HIVEP1: variants seen among roughly 807,000 people sequenced by gnomAD.
The protein encoded by HIVEP1 is HIVEP zinc finger 1.
A neutral mutation model predicts 180.0 loss-of-function variants in HIVEP1; 36 were observed. That is an observed-to-expected ratio of 0.20 (90% CI 0.15 to 0.26). The LOEUF is 0.26. Ranked by LOEUF, HIVEP1 falls within the 10% of genes least tolerant of loss-of-function variation. HIVEP1 has a pLI of 1.00. For missense variants in HIVEP1, 3,143 were observed against 3,268.7 expected (o/e 0.96, Z 0.94); for synonymous variants, 1,239 against 1,239.0 (o/e 1.00, Z 0.00).
intron 2 of HIVEP1, among the ~76,000 whole-genome samples, chr6:12,059,261 C>T (rs565708244): frequency 1.3e-5 from 2 of 152,302 alleles, no homozygotes; most frequent in African/African-American, 2.4e-5. Context: ...TGGTCTCCAA[C>T]TCCTGACCTC....
the HIVEP1 span, among the ~76,000 whole-genome samples, chr6:12,191,582 G>A: frequency 6.6e-6 from 1 of 151,940 alleles, no homozygotes; most frequent in Non-Finnish European, 1.5e-5. Context: ...AGCAGAGTGA[G>A]ACTCTGTCTA....
chr6:12,043,438 T>G (rs1435937286), intron 2 of HIVEP1, among the ~76,000 whole-genome samples: 1 of 149,336 alleles, frequency 6.7e-6, no homozygotes, highest in Non-Finnish European at 1.5e-5. Flanking sequence ...CTCAGTTCAC[T>G]GCAACCTCCA....
Position 12,125,424 on chromosome 6 carries a change from C to G in HIVEP1, c.5629C>G (p.Pro1877Ala), listed in dbSNP as rs751378177. 1.2e-6 allele frequency: 2 copies of G among 1,613,982 alleles called. No individual in the cohort carries two copies. The highest frequency in any genetic ancestry group is 3.3e-5 in the Admixed American group (2 of 60,012). Reference sequence around the variant, plus strand: ...TCTTACAGTTCGAAGTTCACCTGCTCCTTCAGAAAATACTCATATTTCTCC... The same window carrying G: ...TCTTACAGTTCGAAGTTCACCTGCTGCTTCAGAAAATACTCATATTTCTCC... The part of the protein sequence containing the change: ...LTLTVRSSPA[P>A]SENTHISPLK... Residue 1877 changes from proline (P) to alanine (A), a missense_variant, in exon 4 of 9, where the codon CCT becomes GCT. Physicochemically the swap from Pro to Ala is conservative, Grantham distance 27. Around this residue, in one of 12 missense-constraint regions of HIVEP1, gnomAD observed 1,357 missense variants for 1,260.5 expected, o/e 1.08. Transcript: ENST00000379388.
chr6:12,116,577 T>G (rs955603930), intron 3 of HIVEP1, among the ~76,000 whole-genome samples: 5 of 152,084 alleles, frequency 3.3e-5, no homozygotes, highest in African/African-American at 1.2e-4. Context: ...TTTAGACTGA[T>G]CCAAGGTCCA....
Position 12,163,727 on chromosome 6 carries a change from C to T in HIVEP1, c.7423C>T (p.Pro2475Ser), listed in dbSNP as rs748683006. Residue 2475 changes from proline (P) to serine (S), a missense_variant, in exon 9 of 9, where the codon CCA becomes TCA. Around this residue, in one of 12 missense-constraint regions of HIVEP1, gnomAD observed 595 missense variants for 602.2 expected, o/e 0.99. Coordinates refer to ENST00000379388, the MANE Select transcript of HIVEP1 (RefSeq NM_002114.4). ...TATTCCTATCGGCCAAATCCGCGTG[C>T]CAGGCCTTCAGAACCTAAGTACCCC... Reference protein sequence around the residue: ...PCIPIGQIRVPGLQNLSTPGL... With the variant: ...PCIPIGQIRVSGLQNLSTPGL... The T allele has an allele frequency of 6.2e-7, 1 of 1,614,130 alleles. No homozygotes were observed. The highest frequency in any genetic ancestry group is 1.1e-5 in the South Asian group (1 of 91,078).
chr6:12,088,875 A>G (rs545297924), intron 2 of HIVEP1, among the ~76,000 whole-genome samples: 1 of 152,262 alleles, frequency 6.6e-6, no homozygotes, highest in South Asian at 2.1e-4. Context: ...TAAAGATAGT[A>G]TTATTTTTAG....
chr6:12,149,010 C>T (rs1759533681), intron 7 of HIVEP1, among the ~76,000 whole-genome samples: 1 of 152,150 alleles, frequency 6.6e-6, no homozygotes, highest in Admixed American at 6.5e-5. Context: ...TTTCAGGAAC[C>T]AGTACTATGA....
At chr6:12,207,764 A>AATAATAATAATAATAATAATAATT in the HIVEP1 span, among the ~76,000 whole-genome samples, 7 of 149,606 alleles carry the variant, frequency 4.7e-5, no homozygotes, top group Non-Finnish European at 1.0e-4. Context: ...TAATAATAAT[A>AATAATAATAATAATAATAATAATT]ATTAGCCAGG....
downstream of HIVEP1, among the ~76,000 whole-genome samples, chr6:12,167,023 T>C (rs1195949896): frequency 6.6e-6 from 1 of 151,836 alleles, no homozygotes; most frequent in Non-Finnish European, 1.5e-5. Context: ...AATAACTTAT[T>C]TTCATTCCCT....
intron 7 of HIVEP1, among the ~76,000 whole-genome samples, chr6:12,145,535 A>T (rs1759322460): frequency 6.7e-6 from 1 of 150,138 alleles, no homozygotes; most frequent in South Asian, 2.1e-4. Context: ...AAAAAAAAAG[A>T]ACGCCCTCTA....
At chr6:12,158,859 G>A (rs1260730640) in intron 7 of HIVEP1, among the ~76,000 whole-genome samples, 1 of 152,130 alleles carries the variant, frequency 6.6e-6, no homozygotes, top group Admixed American at 6.5e-5. Context: ...TCCAGGTGTA[G>A]TTCCTTGCCA....
downstream of HIVEP1, among the ~76,000 whole-genome samples, chr6:12,168,168 TATCTATATTATATATAG>T (rs1159023253): frequency 0.061 from 5,401 of 88,650 alleles, 1,771 homozygotes; most frequent in East Asian, 0.16. Context: ...TATACGTGTA[TATCTATATTATATATAG>T]ATATACGTGT....
chr6:12,062,711 A>T (rs1305951950), intron 2 of HIVEP1, among the ~76,000 whole-genome samples: 2 of 152,190 alleles, frequency 1.3e-5, no homozygotes, highest in Non-Finnish European at 2.9e-5. Flanking sequence ...CCCATTACAG[A>T]TGAGGTAACT....
At chr6:12,137,415 C>A (rs556519496) in intron 7 of HIVEP1, among the ~76,000 whole-genome samples, 1 of 152,264 alleles carries the variant, frequency 6.6e-6, no homozygotes, top group South Asian at 2.1e-4. Flanking sequence ...GACTGATTGA[C>A]CTACCTATGT....
chr6:12,031,170 G>C (rs947418373), intron 2 of HIVEP1, among the ~76,000 whole-genome samples: 1 of 152,216 alleles, frequency 6.6e-6, no homozygotes, highest in Non-Finnish European at 1.5e-5. Flanking sequence ...CTGTGGGTCT[G>C]TGTGTGGGCT....
At chr6:12,180,508 CTAAT>C in the HIVEP1 span, among the ~76,000 whole-genome samples, 1 of 152,114 alleles carries the variant, frequency 6.6e-6, no homozygotes, top group Non-Finnish European at 1.5e-5. Context: ...CGGATTTGCT[CTAAT>C]TGTCAGTTTC....
At chr6:12,132,427 A>G (rs552428637) in intron 6 of HIVEP1, among the ~76,000 whole-genome samples, 20 of 152,274 alleles carry the variant, frequency 1.3e-4, no homozygotes, top group Admixed American at 5.9e-4. Flanking sequence ...TTCTCAATAG[A>G]AAGAAGAAAA....
At chr6:12,197,490 T>G in the HIVEP1 span, among the ~76,000 whole-genome samples, 4 of 148,442 alleles carry the variant, frequency 2.7e-5, no homozygotes, top group Admixed American at 2.0e-4. Flanking sequence ...ACCTGGGAGG[T>G]TGCAGTGAGC....
intron 2 of HIVEP1, among the ~76,000 whole-genome samples, chr6:12,071,379 A>G (rs890997339): frequency 7.2e-5 from 11 of 152,138 alleles, no homozygotes; most frequent in Non-Finnish European, 1.3e-4. Flanking sequence ...CTCTCCTGAT[A>G]TACTAACTCT....
Sources: allele counts gnomAD v4.1 joint callset (sites outside exome capture counted in the v4.1 genomes callset), GRCh38; gene constraint gnomAD v4.1.1; regional missense constraint gnomAD v4.1.1; transcripts MANE v1.5; gene names NCBI Gene and HGNC (gene_info 2026-07-23, HGNC 2026-07-21).